ADGRL3: variants seen among roughly 807,000 people sequenced by gnomAD.
The protein encoded by ADGRL3 is calcium-independent alpha-latrotoxin receptor 3.
ADGRL3 carries 62 observed loss-of-function variants against 153.5 expected under a neutral mutation model. The observed-to-expected ratio is 0.40, with a 90% CI of 0.33 to 0.50. The LOEUF is 0.50. Among genes scored for constraint, ADGRL3 ranks in the 20% least tolerant of loss-of-function variants. ADGRL3 has a pLI of 0.47. For synonymous variants in ADGRL3, 710 were observed against 672.5 expected (o/e 1.06, Z -0.86); for missense variants, 1,641 against 1,859.4 (o/e 0.88, Z 2.16).
At chr4:61,362,038 T>G (rs1005014968) in intron 1 of ADGRL3, among the ~76,000 whole-genome samples, 1 of 150,492 alleles carries the variant, frequency 6.6e-6, no homozygotes, top group South Asian at 2.1e-4. Context: ...AGTCTTGCTC[T>G]GTCACCCAGG....
At chr4:61,957,926 A>G (rs1236059212) in intron 17 of ADGRL3, among the ~76,000 whole-genome samples, 1 of 151,978 alleles carries the variant, frequency 6.6e-6, no homozygotes, top group Non-Finnish European at 1.5e-5. Context: ...TGCTTTCTAT[A>G]AAAAAAGTAT....
intron 1 of ADGRL3, among the ~76,000 whole-genome samples, chr4:61,258,066 A>C (rs1367529886): frequency 6.6e-6 from 1 of 152,136 alleles, no homozygotes; most frequent in Non-Finnish European, 1.5e-5. Flanking sequence ...AATATTTTTT[A>C]AACCTTAGTG....
At chr4:61,877,146 C>T (rs1451029212) in intron 9 of ADGRL3, among the ~76,000 whole-genome samples, 1 of 152,084 alleles carries the variant, frequency 6.6e-6, no homozygotes, top group East Asian at 1.9e-4. Flanking sequence ...ATCAAATTTG[C>T]ATGTTTCAAA....
chr4:61,961,834 AAAAC>A (rs1297539847), intron 17 of ADGRL3, among the ~76,000 whole-genome samples: 3 of 152,200 alleles, frequency 2.0e-5, no homozygotes, highest in Admixed American at 6.6e-5. Context: ...GATTTGAAGA[AAAAC>A]AAACCATTAA....
intron 2 of ADGRL3, among the ~76,000 whole-genome samples, chr4:61,396,414 TA>T (rs901093965): frequency 2.2e-4 from 33 of 149,356 alleles, no homozygotes; most frequent in African/African-American, 5.6e-4. Context: ...ATTGAGTATT[TA>T]AAAAAAAAAC....
chr4:61,718,052 A>C (rs1046767028), intron 6 of ADGRL3, among the ~76,000 whole-genome samples: 2 of 152,108 alleles, frequency 1.3e-5, no homozygotes, highest in African/African-American at 4.8e-5. Flanking sequence ...AATAAAATAA[A>C]GTAAAATAAA....
At chr4:61,785,885 T>C (rs944360086) in intron 8 of ADGRL3, among the ~76,000 whole-genome samples, 4 of 152,144 alleles carry the variant, frequency 2.6e-5, no homozygotes, top group African/African-American at 7.2e-5. Context: ...TTTGGAATGG[T>C]ATTTTTAAAA....
chr4:61,746,386 C>A (rs1312724398), intron 8 of ADGRL3, among the ~76,000 whole-genome samples: 1 of 152,128 alleles, frequency 6.6e-6, no homozygotes, highest in Non-Finnish European at 1.5e-5. Flanking sequence ...CTCTCCACCC[C>A]AAATCAACAG....
intron 2 of ADGRL3, among the ~76,000 whole-genome samples, chr4:61,492,397 T>C (rs946443461): frequency 3.3e-5 from 5 of 152,144 alleles, no homozygotes; most frequent in African/African-American, 9.6e-5. Flanking sequence ...CAGTATACTT[T>C]GGGGAATGTT....
intron 15 of ADGRL3, among the ~76,000 whole-genome samples, chr4:61,938,046 C>A (rs1412424490): frequency 6.6e-6 from 1 of 152,102 alleles, no homozygotes; most frequent in Non-Finnish European, 1.5e-5. Flanking sequence ...CATAAGTCAT[C>A]ACACCCAGCC....
At chr4:62,002,528 G>A (rs988772416) in intron 21 of ADGRL3, among the ~76,000 whole-genome samples, 4 of 151,146 alleles carry the variant, frequency 2.6e-5, no homozygotes, top group Non-Finnish European at 4.4e-5. Flanking sequence ...TAATTGGTTG[G>A]CTCATTACTA....
intron 5 of ADGRL3, among the ~76,000 whole-genome samples, chr4:61,608,923 ACTAT>A (rs754428072): frequency 1.4e-4 from 22 of 152,328 alleles, no homozygotes; most frequent in African/African-American, 3.6e-4. Flanking sequence ...TATTTCACTG[ACTAT>A]CTGTGAACCA....
At chr4:61,497,515 C>T (rs114845759) in intron 3 of ADGRL3, among the ~76,000 whole-genome samples, 167 bp downstream of exon 3, 11 of 95,334 alleles carry the variant, frequency 1.2e-4, no homozygotes, top group African/African-American at 2.8e-4. Flanking sequence ...CTTTTCTTTT[C>T]TTTTTTTTTT....
At chr4:62,058,759 C>T (rs138767602) in intron 25 of ADGRL3, among the ~76,000 whole-genome samples, 9 of 152,132 alleles carry the variant, frequency 5.9e-5, no homozygotes, top group East Asian at 5.8e-4. Context: ...TCAACAATTT[C>T]GCAGCTATTA....
At chr4:61,238,062 A>G (rs1753499712) in intron 1 of ADGRL3, among the ~76,000 whole-genome samples, 2 of 152,158 alleles carry the variant, frequency 1.3e-5, no homozygotes. Context: ...TAATGTCTTC[A>G]TTTGAATGGT....
chr4:61,430,652 T>C (rs564573013), intron 2 of ADGRL3, among the ~76,000 whole-genome samples: 1 of 152,242 alleles, frequency 6.6e-6, no homozygotes, highest in East Asian at 1.9e-4. Flanking sequence ...GAGAAACAAA[T>C]ATACATAAAT....
At chr4:61,667,662 T>A (rs1316911189) in intron 5 of ADGRL3, among the ~76,000 whole-genome samples, 2 of 152,216 alleles carry the variant, frequency 1.3e-5, no homozygotes, top group Non-Finnish European at 2.9e-5. Flanking sequence ...AAAGTTTACC[T>A]TTCTTGGTCA....
intron 6 of ADGRL3, among the ~76,000 whole-genome samples, chr4:61,705,815 T>C (rs1057250982): frequency 6.6e-6 from 1 of 152,060 alleles, no homozygotes; most frequent in Non-Finnish European, 1.5e-5. Flanking sequence ...AGTGGTAATA[T>C]TTTGAAAGGA....
intron 1 of ADGRL3, among the ~76,000 whole-genome samples, chr4:61,253,778 C>A (rs923271633): frequency 1.3e-5 from 2 of 151,788 alleles, no homozygotes; most frequent in Non-Finnish European, 2.9e-5. Flanking sequence ...ATTTGTATTA[C>A]AAATTTATTT....
Sources: gnomAD v4.1 joint callset for allele counts (sites outside exome capture counted in the v4.1 genomes callset) on GRCh38, gnomAD v4.1.1 for gene constraint, MANE v1.5 for transcripts, NCBI Gene and HGNC (gene_info 2026-07-23, HGNC 2026-07-21) for gene names.